The following IL1RAPL2 variants were observed in gnomAD, a reference collection of about 807,000 sequenced individuals.
IL1RAPL2 encodes interleukin 1 receptor accessory protein like 2.
In IL1RAPL2, 3 loss-of-function variants were observed where a neutral mutation model predicts 44.1. That is an observed-to-expected ratio of 0.07 (90% CI 0.03 to 0.18). IL1RAPL2 has a LOEUF of 0.18. IL1RAPL2 is among the 10% of genes least tolerant of loss of function. The pLI is 1.00. For synonymous variants in IL1RAPL2, 181 were observed against 178.8 expected, an observed-to-expected ratio of 1.01 and a Z score of -0.10; for missense variants, 391 against 496.4, an observed-to-expected ratio of 0.79 and a Z score of 2.02.
chrX:105,351,752 A>T (rs1489698223), intron 5 of IL1RAPL2, among the ~76,000 whole-genome samples: 3 of 111,107 alleles, frequency 2.7e-5, no homozygotes, highest in Non-Finnish European at 1.9e-5. Flanking sequence ...CACATTCTGC[A>T]CTTGTACCCC....
chrX:104,964,495 T>C (rs1402510851), intron 2 of IL1RAPL2, among the ~76,000 whole-genome samples: 14 of 108,767 alleles, frequency 1.3e-4, no homozygotes, highest in African/African-American at 4.7e-4. Context: ...GTATTTTTAG[T>C]AGAGACGGGG....
intron 5 of IL1RAPL2, among the ~76,000 whole-genome samples, chrX:105,442,707 A>T (rs147608569): frequency 1.8e-5 from 2 of 112,455 alleles, no homozygotes; most frequent in Non-Finnish European, 1.9e-5. Context: ...AATAATGTGC[A>T]GTAGAAGCTC....
At chrX:105,520,621 C>A (rs945160032) in intron 6 of IL1RAPL2, among the ~76,000 whole-genome samples, 1 of 110,998 alleles carries the variant, frequency 9.0e-6, no homozygotes, top group Non-Finnish European at 1.9e-5. Context: ...CACCCAATTT[C>A]AAAAATTCTT....
At chrX:105,334,484 TA>T (rs1207448869) in intron 5 of IL1RAPL2, among the ~76,000 whole-genome samples, 1 of 111,448 alleles carries the variant, frequency 9.0e-6, no homozygotes, top group African/African-American at 3.3e-5. Flanking sequence ...AATAATAATT[TA>T]ATTGTACATT....
intron 2 of IL1RAPL2, among the ~76,000 whole-genome samples, chrX:104,882,360 G>A (rs1266017642): frequency 8.9e-6 from 1 of 112,203 alleles, no homozygotes; most frequent in Non-Finnish European, 1.9e-5. Context: ...GATTAATGTA[G>A]AAAATTAGTT....
intron 2 of IL1RAPL2, among the ~76,000 whole-genome samples, chrX:105,159,994 A>G (rs372096203): frequency 0.096 from 5,725 of 59,366 alleles, 685 homozygotes; most frequent in African/African-American, 0.37. Flanking sequence ...CCCCCCCCCC[A>G]CTCCACCCCA....
rs757859909 is a variant in IL1RAPL2 at position 105,608,229 on chromosome X, C to G, written c.773-109138C>G. Among the ~76,000 whole-genome samples the G allele has an allele frequency of 1.6e-4, 18 of 111,335 alleles. 1 individual carries two copies. Among genetic ancestry groups the G allele is most frequent in the African/African-American group, 5.9e-4 (18 of 30,758 alleles). ...GATATTCATTAGGTGCAGATATCTT[C>G]CCATGTAATTTAATTCAAGCCAAGG... On this transcript the variant is annotated intron_variant, in intron 6 of 10. Coordinates refer to ENST00000372582, the MANE Select transcript of IL1RAPL2 (RefSeq NM_017416.2).
intron 2 of IL1RAPL2, among the ~76,000 whole-genome samples, chrX:105,071,688 C>T (rs1047299332): frequency 2.7e-5 from 3 of 111,585 alleles, no homozygotes; most frequent in Non-Finnish European, 5.6e-5. Context: ...ACCAATGGAA[C>T]AGATTAGAGA....
At chrX:105,120,777 T>C (rs1188297425) in intron 2 of IL1RAPL2, among the ~76,000 whole-genome samples, 2 of 112,335 alleles carry the variant, frequency 1.8e-5, no homozygotes, top group Admixed American at 1.9e-4. Flanking sequence ...GAATTGAGTG[T>C]GACAGATTTG....
intron 5 of IL1RAPL2, among the ~76,000 whole-genome samples, chrX:105,378,951 A>G (rs1359052107): frequency 8.9e-6 from 1 of 111,784 alleles, no homozygotes. Context: ...AGAATCAGGA[A>G]ACTTGCCTTC....
At chrX:104,699,167 G>A (rs1226661457) in intron 2 of IL1RAPL2, among the ~76,000 whole-genome samples, 5 of 111,607 alleles carry the variant, frequency 4.5e-5, no homozygotes, top group Non-Finnish European at 9.4e-5. Context: ...TTTTTCTGTG[G>A]ACTTGGTGGG....
intron 6 of IL1RAPL2, among the ~76,000 whole-genome samples, chrX:105,490,219 G>A (rs1314764129): frequency 3.6e-5 from 4 of 111,626 alleles, no homozygotes; most frequent in African/African-American, 1.3e-4. Context: ...TTCTCTTTCT[G>A]TGTGAATCAA....
At chrX:105,591,534 C>T (rs924376687) in intron 6 of IL1RAPL2, among the ~76,000 whole-genome samples, 1 of 110,966 alleles carries the variant, frequency 9.0e-6, no homozygotes, top group East Asian at 2.8e-4. Flanking sequence ...ATCTTTCTAA[C>T]TTTTTTATGT....
chrX:104,735,296 C>A (rs1005118855), intron 2 of IL1RAPL2, among the ~76,000 whole-genome samples: 16 of 111,335 alleles, frequency 1.4e-4, no homozygotes, highest in Non-Finnish European at 2.8e-4. Flanking sequence ...GTTCTTGAAG[C>A]AAATAGGTGA....
At chrX:105,285,653 C>G (rs2034565426) in intron 5 of IL1RAPL2, among the ~76,000 whole-genome samples, 1 of 111,801 alleles carries the variant, frequency 8.9e-6, no homozygotes, top group South Asian at 3.7e-4. Flanking sequence ...ATACTTTCTC[C>G]AATACAATGG....
chrX:104,588,598 T>C, intron 1 of IL1RAPL2, among the ~76,000 whole-genome samples: 1 of 111,909 alleles, frequency 8.9e-6, no homozygotes, highest in East Asian at 2.8e-4. Flanking sequence ...TTTAGAGGTT[T>C]GGAGAATTAA....
chrX:105,670,950 ATTAT>A (rs1421521229), intron 6 of IL1RAPL2, among the ~76,000 whole-genome samples: 4 of 106,758 alleles, frequency 3.7e-5, no homozygotes, highest in African/African-American at 1.4e-4. Context: ...TATAATATTT[ATTAT>A]TTATTTATTT....
intron 7 of IL1RAPL2, among the ~76,000 whole-genome samples, chrX:105,719,070 T>C (rs1429501001): frequency 2.7e-5 from 3 of 111,836 alleles, no homozygotes; most frequent in African/African-American, 9.7e-5. Flanking sequence ...AATCAAAACA[T>C]ATATCTACAA....
intron 2 of IL1RAPL2, among the ~76,000 whole-genome samples, chrX:104,669,178 A>G (rs1747464860): frequency 9.0e-6 from 1 of 111,200 alleles, no homozygotes; most frequent in Admixed American, 9.6e-5. Context: ...ATGATTCACA[A>G]TTTTCTTGAC....
Sources: gnomAD v4.1 joint callset for allele counts (sites outside exome capture counted in the v4.1 genomes callset) on GRCh38, gnomAD v4.1.1 for gene constraint, MANE v1.5 for transcripts, NCBI Gene and HGNC (gene_info 2026-07-23, HGNC 2026-07-21) for gene names.